The following SRPX2 variants were observed in gnomAD, a reference collection of about 807,000 sequenced individuals.
SRPX2 encodes sushi repeat containing protein X-linked 2.
In SRPX2, 26 loss-of-function variants were observed where a neutral mutation model predicts 45.3. The ratio of observed to expected loss-of-function variants is 0.57; its 90% CI spans 0.42 to 0.80. SRPX2 has a LOEUF of 0.80. Ranked by LOEUF, SRPX2 falls within the 30% of genes least tolerant of loss-of-function variation. The pLI, the probability that SRPX2 is intolerant of heterozygous loss-of-function variation, is 0.00. For synonymous variants in SRPX2, 125 were observed against 143.7 expected, an observed-to-expected ratio of 0.87 and a Z score of 0.93; for missense variants, 355 against 399.8, an observed-to-expected ratio of 0.89 and a Z score of 0.95.
intron 5 of SRPX2, 70 bp downstream of exon 5, chrX:100,665,020 G>A (rs1319181393): frequency 2.6e-6 from 3 of 1,154,125 alleles, no homozygotes; most frequent in Non-Finnish European, 3.5e-6. Context: ...CAAAAGATGT[G>A]GAATTCTCAC....
At chrX:100,654,373 C>T (rs2083162365) in intron 3 of SRPX2, among the ~76,000 whole-genome samples, 2 of 111,042 alleles carry the variant, frequency 1.8e-5, no homozygotes, top group African/African-American at 6.5e-5. Context: ...GTCTTTGTGA[C>T]CTTATAATCA....
At chrX:100,661,944 T>TG in intron 3 of SRPX2, among the ~76,000 whole-genome samples, 1 of 99,783 alleles carries the variant, frequency 1.0e-5, no homozygotes, top group African/African-American at 3.7e-5. Flanking sequence ...TTTTTTTTTT[T>TG]TTTTTTTTTT....
intron 9 of SRPX2, among the ~76,000 whole-genome samples, chrX:100,668,336 A>G (rs56786423): frequency 0.024 from 1,349 of 55,943 alleles, 25 homozygotes; most frequent in African/African-American, 0.081. Context: ...ACAAAAAAAA[A>G]AAAAAAGAAA....
chrX:100,662,377 G>A lies in SRPX2; in HGVS notation c.355+10G>A. 2.5e-6 allele frequency: 3 copies of A among 1,211,034 alleles called. No individual in the cohort carries two copies. Among genetic ancestry groups the A allele is most frequent in the Non-Finnish European group, 3.4e-6 (3 of 895,505 alleles). ...ACTGCCTACTGCAGGCGTAAGTTGT[G>A]TGTGTGCATATGCTGATGTATGTAT... On this transcript the variant is annotated intron_variant, in intron 4 of 10. Coordinates refer to ENST00000373004, the MANE Select transcript of SRPX2 (RefSeq NM_014467.3).
At chrX:100,667,754 A>G (rs1211326435) in intron 9 of SRPX2, among the ~76,000 whole-genome samples, 1 of 112,226 alleles carries the variant, frequency 8.9e-6, no homozygotes, top group Non-Finnish European at 1.9e-5. Flanking sequence ...AGCGCTAACA[A>G]ACACTTATGC....
chrX:100,662,004 A>C (rs2083189711), intron 3 of SRPX2, 172 bp from the exon 4 acceptor site: 1 of 280,657 alleles, frequency 3.6e-6, no homozygotes, highest in Admixed American at 4.3e-5. Context: ...TTTGAAGGCT[A>C]TCTTTCTTCC....
At position 100,647,960 on chromosome X, in the gene SRPX2, A is replaced by G. The variant is rs1367068605; in HGVS notation, c.82+1556A>G. ...CCACATGATGAGAGACATTTCCCCT[A>G]CACTGCTAGCTCAGCTGTTGGGCTT... is the stretch of plus-strand genomic sequence containing the variant. On this transcript the variant is annotated intron_variant, in intron 2 of 10. Coordinates refer to ENST00000373004, the MANE Select transcript of SRPX2 (RefSeq NM_014467.3). Among the ~76,000 whole-genome samples, 2 of 112,248 alleles carry G rather than the reference A, an allele frequency of 1.8e-5. 1 individual carries two copies. Among genetic ancestry groups the G allele is most frequent in the East Asian group, 5.6e-4 (2 of 3,575 alleles).
chrX:100,669,513 A>T, intron 10 of SRPX2, 144 bp downstream of exon 10: 2 of 541,347 alleles, frequency 3.7e-6, no homozygotes, highest in South Asian at 5.9e-5. Flanking sequence ...TTGAACTCTT[A>T]TGGATGCATT....
Position 100,664,965 on chromosome X carries a change from C to T in SRPX2, c.532+15C>T. On this transcript the variant is annotated intron_variant, in intron 5 of 10. Transcript: ENST00000373004. ...TGTATGTGTAGGTAAATGCTGGTTG[C>T]TCCCAGTTGTCCTGGTGCAAAGAGC... The T allele has an allele frequency of 8.3e-7, 1 of 1,208,183 alleles. No individual in the cohort carries two copies. The highest frequency in any genetic ancestry group is 1.1e-6 in the Non-Finnish European group (1 of 894,022).
At chrX:100,645,166 C>G (rs2083131794) in intron 1 of SRPX2, among the ~76,000 whole-genome samples, 1 of 111,903 alleles carries the variant, frequency 8.9e-6, no homozygotes, top group African/African-American at 3.3e-5. Context: ...GGGACTCTGG[C>G]CAGAATCTAC....
chrX:100,649,518 CTT>C (rs2083145859), intron 2 of SRPX2: 1 of 112,105 alleles, frequency 8.9e-6, no homozygotes, highest in Non-Finnish European at 1.9e-5. Flanking sequence ...AAAATGAACT[CTT>C]TCCTCTGGAA....
chrX:100,670,655 C>T (rs1041126202), intron 10 of SRPX2, 152 bp from the exon 11 acceptor site: 1 of 600,074 alleles, frequency 1.7e-6, no homozygotes, highest in Non-Finnish European at 2.7e-6. Context: ...AACAAAGCGA[C>T]TTGAGACAGG....
chrX:100,652,380 A>T (rs2083156304), intron 3 of SRPX2, among the ~76,000 whole-genome samples: 1 of 112,462 alleles, frequency 8.9e-6, no homozygotes, highest in Non-Finnish European at 1.9e-5. Flanking sequence ...GTCAAAAAAG[A>T]AAACTGGTTT....
At chrX:100,665,128 C>T (rs890871264) in intron 5 of SRPX2, 115 bp from the exon 6 acceptor site, 7 of 1,107,101 alleles carry the variant, frequency 6.3e-6, no homozygotes, top group East Asian at 3.2e-5. Context: ...TCCCCAGTTT[C>T]CTTGAGCACC....
chrX:100,660,871 AAGAC>A (rs2083185102), intron 3 of SRPX2: 2 of 111,213 alleles, frequency 1.8e-5, no homozygotes, highest in African/African-American at 6.5e-5. Context: ...AGAAGAAAGA[AAGAC>A]ATTTGAGATT....
chrX:100,646,613 T>G (rs2083136338), intron 2 of SRPX2, among the ~76,000 whole-genome samples: 1 of 112,150 alleles, frequency 8.9e-6, no homozygotes, highest in Admixed American at 9.5e-5. Context: ...ATAGGTGAAA[T>G]AGGCCACACT....
At position 100,671,014 on chromosome X, in the gene SRPX2, A is replaced by C. The variant is rs1569363520; in HGVS notation, c.*27A>C. On this transcript the variant is annotated 3_prime_UTR_variant, in exon 11 of 11. Coordinates refer to ENST00000373004, the MANE Select transcript of SRPX2 (RefSeq NM_014467.3). ...CTTGAGCCAGGGCATGGTTAAAGTC[A>C]AGGGAAAAGCTCCTCTAGTTAGCTG... 8.4e-7 allele frequency: 1 copy of C among 1,192,371 alleles called. No homozygotes were observed. The highest frequency in any genetic ancestry group is 1.1e-6 in the Non-Finnish European group (1 of 883,817).
Position 100,675,757 on chromosome X carries a change from A to G in SRPX2, c.*4770A>G. The G allele has an allele frequency of 3.8e-6, 1 of 260,103 alleles. No individual in the cohort carries two copies. Among genetic ancestry groups the G allele is most frequent in the Non-Finnish European group, 6.8e-6 (1 of 147,094 alleles). 21.4% of individuals were successfully genotyped at this position (260,103 alleles called of 1,213,427 possible). Reference sequence around the variant, plus strand: ...CTTATAAAGACATAAGAAAAAATGGACTCTGAAAATAAACTAGATTATACA... The same window carrying G: ...CTTATAAAGACATAAGAAAAAATGGGCTCTGAAAATAAACTAGATTATACA... On this transcript the variant is annotated 3_prime_UTR_variant, in exon 11 of 11. Transcript: ENST00000373004.
chrX:100,650,604 C>T (rs1295767084), intron 2 of SRPX2, among the ~76,000 whole-genome samples, 181 bp from the exon 3 acceptor site: 1 of 111,468 alleles, frequency 9.0e-6, no homozygotes, highest in Non-Finnish European at 1.9e-5. Context: ...TGCTGAGATT[C>T]ACCCACAGTA....
Sources: gnomAD v4.1 joint callset for allele counts (sites outside exome capture counted in the v4.1 genomes callset) on GRCh38, gnomAD v4.1.1 for gene constraint, MANE v1.5 for transcripts, NCBI Gene and HGNC (gene_info 2026-07-23, HGNC 2026-07-21) for gene names.